ASIC2: variants seen among roughly 807,000 people sequenced by gnomAD.
The protein encoded by ASIC2 is acid sensing ion channel subunit 2.
In ASIC2, 25 loss-of-function variants were observed where a neutral mutation model predicts 57.3. The ratio of observed to expected loss-of-function variants is 0.44; its 90% confidence interval spans 0.32 to 0.61. The LOEUF (loss-of-function observed/expected upper bound fraction) is 0.61, where lower values mean the gene tolerates loss of function less well. ASIC2 is among the 20% of genes least tolerant of loss of function. ASIC2 has a pLI of 0.06. For missense variants in ASIC2, 641 were observed against 738.1 expected, an observed-to-expected ratio of 0.87 and a Z score of 1.52; for synonymous variants, 319 against 307.5, an observed-to-expected ratio of 1.04 and a Z score of -0.39.
At chr17:33,370,984 G>A in intron 1 of ASIC2, among the ~76,000 whole-genome samples, 1 of 152,230 alleles carries the variant, frequency 6.6e-6, no homozygotes, top group East Asian at 1.9e-4. Flanking sequence ...AGTAAGAGGA[G>A]GAACACGCCC....
chr17:33,270,841 A>G (rs1904464490), intron 1 of ASIC2, among the ~76,000 whole-genome samples: 2 of 152,364 alleles, frequency 1.3e-5, no homozygotes, highest in South Asian at 4.1e-4. Flanking sequence ...GCTTCTGTTT[A>G]TTGAGCACCT....
intron 1 of ASIC2, among the ~76,000 whole-genome samples, chr17:33,640,874 C>T (rs1459056601): frequency 6.6e-6 from 1 of 152,164 alleles, no homozygotes. Context: ...CCCATAAGCA[C>T]CTCTCAGAGA....
chr17:33,644,952 G>A (rs546172369), intron 1 of ASIC2, among the ~76,000 whole-genome samples: 36 of 152,224 alleles, frequency 2.4e-4, no homozygotes, highest in Middle Eastern at 6.8e-3. Context: ...TAAATATGTC[G>A]GTTGATAGAT....
chr17:33,753,136 T>C (rs1056695427), intron 1 of ASIC2, among the ~76,000 whole-genome samples: 19 of 152,190 alleles, frequency 1.2e-4, no homozygotes, highest in African/African-American at 3.9e-4. Flanking sequence ...ATAAAGAAAT[T>C]GGTTGTCAAG....
At chr17:33,587,867 T>C (rs1023859609) in intron 1 of ASIC2, among the ~76,000 whole-genome samples, 1 of 152,204 alleles carries the variant, frequency 6.6e-6, no homozygotes, top group Non-Finnish European at 1.5e-5. Flanking sequence ...TCCTTCACCC[T>C]CTTCACCATT....
chr17:33,768,191 A>ATT lies in ASIC2; in HGVS notation c.555+387785_555+387786dup, dbSNP rs139629435. 3.3e-3 allele frequency among the ~76,000 whole-genome samples: 497 copies of ATT among 151,384 alleles called. 1 individual carries two copies. Among genetic ancestry groups the ATT allele is most frequent in the African/African-American group, 0.012 (480 of 41,186 alleles). On this transcript the variant is annotated intron_variant, in intron 1 of 9. Coordinates refer to the ASIC2 transcript ENST00000359872. ...GCCCTGCTAATTTTTTTGTGTTTTT[A>ATT]TTTTTTTTATTAGAGATGGGGTTTC...
At chr17:33,404,831 T>A (rs1416848399) in intron 1 of ASIC2, among the ~76,000 whole-genome samples, 1 of 152,238 alleles carries the variant, frequency 6.6e-6, no homozygotes, top group Non-Finnish European at 1.5e-5. Flanking sequence ...GATATAGGTA[T>A]TTCTGGCTAT....
At chr17:33,950,879 C>T (rs1904539180) in intron 1 of ASIC2, among the ~76,000 whole-genome samples, 1 of 152,100 alleles carries the variant, frequency 6.6e-6, no homozygotes, top group Non-Finnish European at 1.5e-5. Context: ...CCTGCTGGCA[C>T]CAGCTCAGTG....
At chr17:33,568,880 A>T (rs555236160) in intron 1 of ASIC2, among the ~76,000 whole-genome samples, 159 of 152,318 alleles carry the variant, frequency 1.0e-3, no homozygotes, top group Non-Finnish European at 1.5e-3. Flanking sequence ...GCTAAGGGAT[A>T]TGGAACTCAG....
intron 1 of ASIC2, among the ~76,000 whole-genome samples, chr17:33,237,908 G>A (rs1283567740): frequency 1.3e-5 from 2 of 152,136 alleles, no homozygotes; most frequent in African/African-American, 4.8e-5. Flanking sequence ...AACCACCAAC[G>A]AGAACTTTTC....
chr17:33,095,049 T>C (rs2092172732), intron 2 of ASIC2, among the ~76,000 whole-genome samples: 1 of 152,250 alleles, frequency 6.6e-6, no homozygotes, highest in Admixed American at 6.5e-5. Context: ...AATGGATTGT[T>C]CTTCATAGAG....
At chr17:33,129,216 C>T (rs538209714) in intron 1 of ASIC2, among the ~76,000 whole-genome samples, 21 of 152,306 alleles carry the variant, frequency 1.4e-4, no homozygotes, top group South Asian at 4.2e-4. Flanking sequence ...ACACCTCTCA[C>T]GGCAAACCCC....
chr17:33,091,450 C>T (rs571885779), intron 2 of ASIC2, among the ~76,000 whole-genome samples: 108 of 152,246 alleles, frequency 7.1e-4, no homozygotes, highest in Non-Finnish European at 1.4e-3. Context: ...TAGCTGAAGC[C>T]GTGTGTGCCT....
chr17:33,740,725 C>T (rs895688917), intron 1 of ASIC2, among the ~76,000 whole-genome samples: 1 of 152,160 alleles, frequency 6.6e-6, no homozygotes, highest in Non-Finnish European at 1.5e-5. Context: ...ACACACAGTG[C>T]ATTCCAAGAA....
intron 1 of ASIC2, among the ~76,000 whole-genome samples, chr17:33,151,169 ACACACACACACG>A (rs1260282927): frequency 1.5e-5 from 2 of 130,840 alleles, no homozygotes; most frequent in Non-Finnish European, 3.2e-5. Context: ...CTACTAAAAC[ACACACACACACG>A]CACACACACA....
At chr17:33,822,737 A>G (rs2141894072) in intron 1 of ASIC2, among the ~76,000 whole-genome samples, 1 of 152,326 alleles carries the variant, frequency 6.6e-6, no homozygotes, top group African/African-American at 2.4e-5. Context: ...TAAGCCAACC[A>G]AGTAAATGGC....
At chr17:33,166,266 T>C (rs1038155308) in intron 1 of ASIC2, among the ~76,000 whole-genome samples, 1 of 152,234 alleles carries the variant, frequency 6.6e-6, no homozygotes, top group African/African-American at 2.4e-5. Context: ...TTAATGGTTA[T>C]AAAGTTACCA....
intron 1 of ASIC2, among the ~76,000 whole-genome samples, chr17:33,636,895 A>ACC (rs1232631199): frequency 6.6e-6 from 1 of 151,618 alleles, no homozygotes; most frequent in East Asian, 1.9e-4. Context: ...ACACACACAC[A>ACC]CCACACACCT....
At chr17:33,448,049 T>TAATAAAATAAAATAAAATAAAATAA (rs67408111) in intron 1 of ASIC2, among the ~76,000 whole-genome samples, 8 of 139,976 alleles carry the variant, frequency 5.7e-5, no homozygotes, top group Admixed American at 2.2e-4. Context: ...TCTTTATGCA[T>TAATAAAATAAAATAAAATAAAATAA]AATAAAATAA....
Sources: gnomAD v4.1 joint callset for allele counts (sites outside exome capture counted in the v4.1 genomes callset) on GRCh38, gnomAD v4.1.1 for gene constraint, MANE v1.5 for transcripts, NCBI Gene and HGNC (gene_info 2026-07-23, HGNC 2026-07-21) for gene names.